CACNA2D2: variants seen among roughly 807,000 people sequenced by gnomAD.
CACNA2D2 encodes the protein calcium voltage-gated channel auxiliary subunit alpha2delta 2.
CACNA2D2 carries 48 observed loss-of-function variants against 166.4 expected under a neutral mutation model. The ratio of observed to expected loss-of-function variants is 0.29; its 90% confidence interval spans 0.23 to 0.37. The LOEUF (loss-of-function observed/expected upper bound fraction) is 0.37. Ranked by LOEUF, CACNA2D2 falls within the 10% of genes least tolerant of loss-of-function variation. The pLI is 1.00. For missense variants in CACNA2D2, 1,122 were observed against 1,433.0 expected, an observed-to-expected ratio of 0.78 and a Z score of 3.50; for synonymous variants, 561 against 573.7, an observed-to-expected ratio of 0.98 and a Z score of 0.32.
At chr3:50,502,327 TGACATAGGGCTGAA>T (rs1389489847) in intron 1 of CACNA2D2, among the ~76,000 whole-genome samples, 1 of 152,210 alleles carries the variant, frequency 6.6e-6, no homozygotes, top group Non-Finnish European at 1.5e-5. Context: ...GTCTGGGCAC[TGACATAGGGCTGAA>T]GCACAGTGTC....
intron 2 of CACNA2D2, 45 bp downstream of exon 2, chr3:50,476,073 T>C (rs1697743391): frequency 6.8e-7 from 1 of 1,474,366 alleles, no homozygotes; most frequent in South Asian, 1.2e-5. Context: ...TCCCCTTCCC[T>C]TGGAAGAGGG....
chr3:50,378,199 C>T (rs1160339108), intron 14 of CACNA2D2, 85 bp downstream of exon 14: 6 of 1,558,598 alleles, frequency 3.8e-6, no homozygotes, highest in African/African-American at 1.4e-5. Context: ...TGTGAGGGGG[C>T]GCCCTTGGCC....
At position 50,367,368 on chromosome 3, in the gene CACNA2D2, GCTGGGCACAC is replaced by G; in HGVS notation, c.2401+16_2401+25del. 2 of 1,598,320 alleles carry G rather than the reference GCTGGGCACAC, an allele frequency of 1.3e-6. No homozygotes were observed. Among genetic ancestry groups the G allele is most frequent in the Non-Finnish European group, 1.7e-6 (2 of 1,166,324 alleles). ...GGGAAGCTGAGGCTCCCTGCCTGCT[GCTGGGCACAC>G]TGCGGGGACACTCACCATCCTGGTG... On this transcript the variant is annotated intron_variant, in intron 27 of 37. Transcript: ENST00000424201. The surrounding 1 kb of genome is among the most constrained non-coding windows in gnomAD (Gnocchi z 6.5).
intron 2 of CACNA2D2, among the ~76,000 whole-genome samples, chr3:50,448,420 C>A (rs1005225196): frequency 3.3e-5 from 5 of 152,130 alleles, no homozygotes; most frequent in African/African-American, 9.7e-5. Flanking sequence ...TGTATCTGTA[C>A]ATGTATGTAG....
intron 3 of CACNA2D2, among the ~76,000 whole-genome samples, chr3:50,429,045 C>A (rs540795875): frequency 2.6e-5 from 4 of 152,094 alleles, no homozygotes; most frequent in Admixed American, 1.3e-4. Flanking sequence ...GCCTGCGCAA[C>A]ATAGCGAAAC....
At chr3:50,482,921 A>T (rs1698114609) in intron 1 of CACNA2D2, among the ~76,000 whole-genome samples, 1 of 152,148 alleles carries the variant, frequency 6.6e-6, no homozygotes, top group African/African-American at 2.4e-5. Flanking sequence ...TAGGGCTGGC[A>T]GAGGGCAACA....
chr3:50,439,602 T>C (rs1156601235), intron 2 of CACNA2D2, among the ~76,000 whole-genome samples: 1 of 152,178 alleles, frequency 6.6e-6, no homozygotes, highest in East Asian at 1.9e-4. Context: ...AAGTCTTAAC[T>C]GTCCATTAGG....
At chr3:50,454,550 C>T (rs377274481) in intron 2 of CACNA2D2, among the ~76,000 whole-genome samples, 9 of 152,234 alleles carry the variant, frequency 5.9e-5, no homozygotes, top group Admixed American at 3.3e-4. Context: ...ACACTAATAC[C>T]GCTGAAGCTA....
At chr3:50,472,156 G>C (rs1449106031) in intron 2 of CACNA2D2, among the ~76,000 whole-genome samples, 2 of 152,206 alleles carry the variant, frequency 1.3e-5, no homozygotes, top group African/African-American at 4.8e-5. Context: ...GACCTGCCAG[G>C]GATCCATTAT....
intron 1 of CACNA2D2, among the ~76,000 whole-genome samples, chr3:50,501,904 C>G (rs1325201842): frequency 6.6e-6 from 1 of 152,090 alleles, no homozygotes; most frequent in East Asian, 1.9e-4. Context: ...TGTGAAAAAT[C>G]CAGACGGTTG....
rs768741857 is a variant in CACNA2D2 at position 50,375,241 on chromosome 3, G to GGGGGTGGCAGTTGT, written c.1907+389_1907+402dup. ...GGCTGGCGCAGATATGGTGGGGGCA[G>GGGGGTGGCAGTTGT]GGGGTGGCAGTTGTGGGCTGGCATG... On this transcript the variant is annotated intron_variant, in intron 21 of 37. Coordinates refer to ENST00000424201, the MANE Select transcript of CACNA2D2 (RefSeq NM_006030.4). The surrounding 1 kb of genome is among the most constrained non-coding windows in gnomAD (Gnocchi z 4.0). Among the ~76,000 whole-genome samples, 10 of 152,220 alleles carry GGGGGTGGCAGTTGT rather than the reference G, an allele frequency of 6.6e-5. No homozygotes were observed. Among genetic ancestry groups the GGGGGTGGCAGTTGT allele is most frequent in the Admixed American group, 5.2e-4 (8 of 15,286 alleles).
chr3:50,482,299 G>A (rs1012022099), intron 1 of CACNA2D2, among the ~76,000 whole-genome samples: 1 of 152,288 alleles, frequency 6.6e-6, no homozygotes, highest in Admixed American at 6.5e-5. Context: ...CATCTCCTGG[G>A]CCACCTTCCC....
chr3:50,403,821 G>A (rs958311882), intron 3 of CACNA2D2, among the ~76,000 whole-genome samples: 1 of 152,164 alleles, frequency 6.6e-6, no homozygotes, highest in East Asian at 1.9e-4. Context: ...CCCCTCCCCT[G>A]GCTAGCTCCT....
At position 50,367,476 on chromosome 3, in the gene CACNA2D2, C is replaced by T. The variant is rs1291591655; in HGVS notation, c.2319G>A (p.Glu773=). The part of the protein sequence containing the change: ...FPNKAAEDWT[E]NPEPFNASFY... ...AGCTGGCATTGAAGGGCTCAGGGTT[C>T]TCTGTCCAGTCCTCAGCTGCCCTGG... Residue 773 remains glutamate, a synonymous_variant, in exon 27 of 38, where the codon GAG becomes GAA. Transcript: ENST00000424201. The surrounding 1 kb of genome is among the most constrained non-coding windows in gnomAD (Gnocchi z 6.5). The T allele has an allele frequency of 1.2e-6, 2 of 1,613,838 alleles. No homozygotes were observed. Among genetic ancestry groups the T allele is most frequent in the Non-Finnish European group, 1.7e-6 (2 of 1,180,008 alleles).
In CACNA2D2 at chr3:50,378,962, T is replaced by C. The variant is rs1705143618; in HGVS notation, c.1292A>G (p.His431Arg). ...CTGCAGCGGTGTGACGTCATAGTTA[T>C]GCTGCCCCACGGAGAAAGTAAACAC... The part of the protein sequence containing the change: ...VRVFTFSVGQ[H>R]NYDVTPLQWM... The change falls in exon 13 of 38, where the codon CAT becomes CGT. Residue 431 changes from histidine to arginine, a missense_variant. His to Arg is a conservative substitution (Grantham distance 29). Transcript: ENST00000424201. 6.2e-7 allele frequency: 1 copy of C among 1,613,914 alleles called. No homozygotes were observed. The highest frequency in any genetic ancestry group is 8.5e-7 in the Non-Finnish European group (1 of 1,180,036).
At chr3:50,493,783 T>C (rs1698613816) in intron 1 of CACNA2D2, among the ~76,000 whole-genome samples, 1 of 152,176 alleles carries the variant, frequency 6.6e-6, no homozygotes, top group African/African-American at 2.4e-5. Context: ...GGCACGGGTC[T>C]GGAGGAGGGA....
chr3:50,383,291 A>T (rs1403540539), intron 6 of CACNA2D2, among the ~76,000 whole-genome samples: 1 of 151,758 alleles, frequency 6.6e-6, no homozygotes, highest in Non-Finnish European at 1.5e-5. Flanking sequence ...CCCGAGATGG[A>T]GAGGGCCTCC....
chr3:50,385,801 C>G (rs756213597), intron 5 of CACNA2D2, among the ~76,000 whole-genome samples: 1 of 152,196 alleles, frequency 6.6e-6, no homozygotes, highest in African/African-American at 2.4e-5. Context: ...GCGCCACTCA[C>G]GTTCCGCTCA....
Position 50,363,355 on chromosome 3 carries a change from G to A in CACNA2D2, c.*1311C>T. 2.5e-6 allele frequency: 1 copy of A among 398,328 alleles called. No individual in the cohort carries two copies. The highest frequency in any genetic ancestry group is 3.6e-5 in the East Asian group (1 of 28,060). 24.7% of individuals were successfully genotyped at this position (398,328 alleles called of 1,614,324 possible). ...CTCCCCCTCCTCCCAGTCCATCTGAGCCCCATCACTATATCCCCTTGCCCT... is the reference window on the plus strand; with the variant it reads ...CTCCCCCTCCTCCCAGTCCATCTGAACCCCATCACTATATCCCCTTGCCCT... On this transcript the variant is annotated 3_prime_UTR_variant, in exon 38 of 38. Transcript: ENST00000424201.
Sources: gnomAD v4.1 joint callset for allele counts (sites outside exome capture counted in the v4.1 genomes callset) on GRCh38, gnomAD v4.1.1 for gene constraint, Gnocchi (gnomAD v3.1) non-coding constraint, MANE v1.5 for transcripts, NCBI Gene and HGNC (gene_info 2026-07-23, HGNC 2026-07-21) for gene names.